The following AFF1 variants were observed in gnomAD, a reference collection of about 807,000 sequenced individuals.
The protein encoded by AFF1 is ALF transcription elongation factor 1.
In AFF1, 48 loss-of-function variants were observed where a neutral mutation model predicts 121.7. That is an observed-to-expected ratio of 0.39 (90% CI 0.31 to 0.50). The LOEUF (loss-of-function observed/expected upper bound fraction) is 0.50, where lower values mean the gene tolerates loss of function less well. AFF1 is among the 20% of genes least tolerant of loss of function. The pLI, the probability that AFF1 is intolerant of heterozygous loss-of-function variation, is 0.76. For synonymous variants in AFF1, 613 were observed against 563.0 expected, an observed-to-expected ratio of 1.09 and a Z score of -1.26; for missense variants, 1,523 against 1,511.7, an observed-to-expected ratio of 1.01 and a Z score of -0.12.
intron 1 of AFF1, among the ~76,000 whole-genome samples, chr4:86,945,497 A>ATTTTTTTTTT (rs34305215): frequency 4.3e-4 from 37 of 86,632 alleles, no homozygotes; most frequent in African/African-American, 1.8e-3. Context: ...GCCTTTCCCA[A>ATTTTTTTTTT]TTTTTTTTTT....
rs763132178 is a variant in AFF1, at chr4:87,114,642, A to C, written c.1809A>C (p.Gln603His). 9 of 1,592,802 alleles carry C rather than the reference A, an allele frequency of 5.7e-6. No individual in the cohort carries two copies. The highest frequency in any genetic ancestry group is 1.4e-5 in the African/African-American group (1 of 73,398). ...CTCCGGCACAGCAGGAGCCCCCACA[A>C]AGGCAAACCGTTGGAACCAAACAAC... The part of the protein sequence containing the change: ...QKSPAQQEPP[Q>H]RQTVGTKQPK... Residue 603 changes from glutamine (Q) to histidine (H), a missense_variant, in exon 12 of 21, where the codon CAA (glutamine) becomes CAC (histidine). By Grantham distance (24) the Gln-to-His change is conservative. Coordinates refer to ENST00000395146, the MANE Select transcript of AFF1 (RefSeq NM_001166693.3).
At position 86,985,181 on chromosome 4, in the gene AFF1, C is replaced by CTATATATATA. The variant is rs55891819; in HGVS notation, c.38+36635_38+36644dup. On this transcript the variant is annotated intron_variant, in intron 2 of 20. Transcript: ENST00000395146. ...AATATAATATATATAATATGTATTA[C>CTATATATATA]TATATATATATATATATATATATAT... 9.3e-3 allele frequency among the ~76,000 whole-genome samples: 894 copies of CTATATATATA among 96,336 alleles called. 22 individuals are homozygous for CTATATATATA. The highest frequency in any genetic ancestry group is 0.029 in the African/African-American group (567 of 19,756). The allele number at this position is 96,336 out of a possible 152,430, so 63.2% of individuals were successfully genotyped here. A position where few individuals can be genotyped will look rare whatever the true frequency, so the allele number is the denominator to read the frequency against.
At chr4:86,954,576 A>G (rs1721608438) in intron 2 of AFF1, among the ~76,000 whole-genome samples, 1 of 152,116 alleles carries the variant, frequency 6.6e-6, no homozygotes, top group African/African-American at 2.4e-5. Flanking sequence ...AAATACAAAA[A>G]TTAGCCACCT....
At chr4:86,965,839 T>TA (rs1042257453) in intron 2 of AFF1, among the ~76,000 whole-genome samples, 13 of 152,186 alleles carry the variant, frequency 8.5e-5, no homozygotes, top group African/African-American at 2.7e-4. Flanking sequence ...GACCTTCTCA[T>TA]ACTAATGCCT....
chr4:86,984,488 A>T (rs185242751), intron 2 of AFF1, among the ~76,000 whole-genome samples: 28 of 151,694 alleles, frequency 1.8e-4, no homozygotes, highest in Admixed American at 5.3e-4. Context: ...TGTGCAGCTA[A>T]TTTCTTTTGT....
intron 8 of AFF1, among the ~76,000 whole-genome samples, chr4:87,100,554 C>T (rs773559489): frequency 6.6e-5 from 10 of 152,242 alleles, no homozygotes; most frequent in Non-Finnish European, 1.5e-4. Flanking sequence ...TTATCCTTTT[C>T]CCTCCACAAG....
At chr4:86,986,086 A>G (rs1481074369) in intron 2 of AFF1, among the ~76,000 whole-genome samples, 2 of 151,406 alleles carry the variant, frequency 1.3e-5, no homozygotes, top group African/African-American at 4.8e-5. Context: ...AATTTAATGT[A>G]ATTGGAGACC....
rs1168933024 is a variant in AFF1, at chr4:87,049,587, T to G, written c.1059+1993T>G. 1.4e-5 allele frequency: 6 copies of G among 430,760 alleles called. No homozygotes were observed. In the Admixed American group the frequency reaches 1.6e-4, roughly 11 times the overall value. 26.7% of individuals were successfully genotyped at this position (430,760 alleles called of 1,614,324 possible). On this transcript the variant is annotated intron_variant, in intron 4 of 20. Coordinates refer to ENST00000395146, the MANE Select transcript of AFF1 (RefSeq NM_001166693.3). ...TCATTGAAGAATGGGGTTTTTTTTT[T>G]GGCACCAGTGCATCTGCTGTCAACA...
At chr4:87,054,374 C>T (rs1265720143) in intron 4 of AFF1, among the ~76,000 whole-genome samples, 1 of 152,196 alleles carries the variant, frequency 6.6e-6, no homozygotes. Context: ...CTGAGTAGGA[C>T]GTCAGAGTAG....
chr4:86,938,703 GAAAT>G (rs1720230717), intron 1 of AFF1, among the ~76,000 whole-genome samples: 1 of 152,164 alleles, frequency 6.6e-6, no homozygotes, highest in African/African-American at 2.4e-5. Flanking sequence ...CCACAGCATG[GAAAT>G]AAATGTGAAA....
chr4:87,039,565 A>G (rs1018256748), intron 2 of AFF1, among the ~76,000 whole-genome samples: 4 of 152,212 alleles, frequency 2.6e-5, no homozygotes, highest in African/African-American at 9.7e-5. Context: ...GAGTTTTCAC[A>G]TGTGACTGAT....
intron 2 of AFF1, among the ~76,000 whole-genome samples, chr4:87,040,908 C>CT (rs1730078547): frequency 1.0e-5 from 1 of 97,982 alleles, no homozygotes; most frequent in Middle Eastern, 0.014. Context: ...TGGAGTCTTG[C>CT]TTTGTTACCT....
chr4:87,139,575 A>C lies in AFF1; in HGVS notation c.*3874A>C, dbSNP rs575376086. 1.7e-4 allele frequency: 40 copies of C among 230,562 alleles called. No individual in the cohort carries two copies. The highest frequency in any genetic ancestry group is 1.3e-3 in the Middle Eastern group (1 of 774). 14.3% of individuals were successfully genotyped at this position (230,562 alleles called of 1,614,324 possible). On this transcript the variant is annotated 3_prime_UTR_variant, in exon 21 of 21. Coordinates refer to ENST00000395146, the MANE Select transcript of AFF1 (RefSeq NM_001166693.3). The stretch of plus-strand genomic sequence containing the variant: ...TCTCACTGAAAAGTGAGAGTTACGC[A>C]TTGCAGCCATGAAGGGATGCTAGGA...
Position 87,138,508 on chromosome 4 carries a change from TGTGTGTG to T in AFF1, c.*2808_*2814del, listed in dbSNP as rs761897919. ...ACTACAAGGTGTGTGTGTGTGTGTG[TGTGTGTG>T]TGTGTGTCTTTAGTAGGAAATGGAA... On this transcript the variant is annotated 3_prime_UTR_variant, in exon 21 of 21. Transcript: ENST00000395146. 372 of 197,896 alleles carry T rather than the reference TGTGTGTG, an allele frequency of 1.9e-3. No homozygotes were observed. Among genetic ancestry groups the T allele is most frequent in the East Asian group, 6.6e-3 (86 of 13,024 alleles). 12.3% of individuals were successfully genotyped at this position (197,896 alleles called of 1,614,324 possible).
chr4:86,960,564 T>C (rs1373575497), intron 2 of AFF1, among the ~76,000 whole-genome samples: 1 of 152,240 alleles, frequency 6.6e-6, no homozygotes, highest in Non-Finnish European at 1.5e-5. Context: ...TTTATATTTG[T>C]GTAGTTACAA....
At chr4:86,969,616 C>A (rs1560508192) in intron 2 of AFF1, among the ~76,000 whole-genome samples, 1 of 149,312 alleles carries the variant, frequency 6.7e-6, no homozygotes, top group Non-Finnish European at 1.5e-5. Flanking sequence ...CGTGGTGGCT[C>A]ACGCCTGTAA....
chr4:86,990,546 C>T (rs892981271), intron 2 of AFF1, among the ~76,000 whole-genome samples: 2 of 152,082 alleles, frequency 1.3e-5, no homozygotes, highest in African/African-American at 4.8e-5. Flanking sequence ...AGTGTGGTTT[C>T]AGAGAGGGTG....
rs985501571 is a variant in AFF1, at chr4:87,022,572, A to C, written c.39-23594A>C. Among the ~76,000 whole-genome samples, 10 of 76,022 alleles carry C rather than the reference A, an allele frequency of 1.3e-4. 1 individual carries two copies. The highest frequency in any genetic ancestry group is 1.1e-3 in the East Asian group (3 of 2,794). 49.9% of individuals were successfully genotyped at this position (76,022 alleles called of 152,430 possible). On this transcript the variant is annotated intron_variant, in intron 2 of 20. Transcript: ENST00000395146. Reference sequence around the variant, plus strand: ...TATATATATATATATATATATATATATATATATATATCTATCTATATCTAT... The same window carrying C: ...TATATATATATATATATATATATATCTATATATATATCTATCTATATCTAT...
At chr4:87,073,281 A>C (rs1436296653) in intron 4 of AFF1, among the ~76,000 whole-genome samples, 1 of 4,752 alleles carries the variant, frequency 2.1e-4, no homozygotes. Context: ...CATTAAAGCC[A>C]AAAAAAAAAA....
Sources: allele counts gnomAD v4.1 joint callset (sites outside exome capture counted in the v4.1 genomes callset), GRCh38; gene constraint gnomAD v4.1.1; transcripts MANE v1.5; gene names NCBI Gene and HGNC (gene_info 2026-07-23, HGNC 2026-07-21).